EHMT1: variants seen among roughly 807,000 people sequenced by gnomAD.
EHMT1 encodes euchromatic histone lysine methyltransferase 1.
A neutral mutation model predicts 147.2 loss-of-function variants in EHMT1; 15 were observed. That is an observed-to-expected ratio of 0.10 (90% CI 0.07 to 0.16). EHMT1 has a LOEUF of 0.16. Ranked by LOEUF, EHMT1 falls within the 10% of genes least tolerant of loss-of-function variation. EHMT1 has a pLI of 1.00. For synonymous variants in EHMT1, 795 were observed against 709.6 expected (o/e 1.12, Z -1.91); for missense variants, 1,587 against 1,772.4 (o/e 0.90, Z 1.88).
intron 1 of EHMT1, among the ~76,000 whole-genome samples, chr9:137,654,736 C>T (rs1220707758): frequency 6.6e-6 from 1 of 152,294 alleles, no homozygotes; most frequent in Non-Finnish European, 1.5e-5. Context: ...AAAGGCTGGG[C>T]CTGCCATGCC....
chr9:137,774,924 G>A (rs569456286), intron 10 of EHMT1, among the ~76,000 whole-genome samples, 185 bp from the exon 11 acceptor site: 13 of 152,304 alleles, frequency 8.5e-5, no homozygotes, highest in African/African-American at 2.6e-4. Context: ...TTTGTCCCCC[G>A]TGCTGAGGCG....
chr9:137,714,750 TG>T (rs1179365937), intron 2 of EHMT1, among the ~76,000 whole-genome samples: 2 of 151,888 alleles, frequency 1.3e-5, no homozygotes, highest in Non-Finnish European at 2.9e-5. Flanking sequence ...AGTCTCACTA[TG>T]TTGCCCAGGT....
At position 137,813,048 on chromosome 9, in the gene EHMT1, G is replaced by A. The variant is rs1336206455; in HGVS notation, c.2910G>A (p.Lys970=). The change falls in exon 20 of 27, where the codon AAG becomes AAA. Residue 970 remains lysine (K), a synonymous_variant. Transcript: ENST00000460843. This position sits in a 1 kb window ranked among gnomAD's most constrained non-coding sequence, Gnocchi z 4.9. ...SRDSDVTLKN[K]EGETPLQCAS... Reference sequence around the variant, plus strand: ...ATTCAGATGTCACCTTAAAGAACAAGGAAGGAGAGACGCCCCTGCAGTGTG... The same window carrying A: ...ATTCAGATGTCACCTTAAAGAACAAAGAAGGAGAGACGCCCCTGCAGTGTG... 6.2e-7 allele frequency: 1 copy of A among 1,613,920 alleles called. No homozygotes were observed. The highest frequency in any genetic ancestry group is 8.5e-7 in the Non-Finnish European group (1 of 1,180,048).
intron 4 of EHMT1, among the ~76,000 whole-genome samples, chr9:137,739,827 T>G (rs1450105849): frequency 6.6e-6 from 1 of 152,198 alleles, no homozygotes; most frequent in Non-Finnish European, 1.5e-5. Context: ...TGCCAAATAC[T>G]GATCCTGAAT....
At chr9:137,834,304 C>G in intron 25 of EHMT1, 45 bp from the exon 26 acceptor site, 1 of 1,609,062 alleles carries the variant, frequency 6.2e-7, no homozygotes, top group African/African-American at 1.3e-5. Flanking sequence ...GCCGGCGTGT[C>G]GGGGCCTTGC....
chr9:137,640,225 G>A (rs1311201196), intron 1 of EHMT1, among the ~76,000 whole-genome samples: 1 of 152,102 alleles, frequency 6.6e-6, no homozygotes, highest in Non-Finnish European at 1.5e-5. Flanking sequence ...GTGAGCCACC[G>A]TGCCTGGCCT....
At chr9:137,698,723 C>T (rs1271855807) in intron 1 of EHMT1, among the ~76,000 whole-genome samples, 5 of 152,100 alleles carry the variant, frequency 3.3e-5, no homozygotes, top group African/African-American at 9.7e-5. Context: ...TGGCCAGTGT[C>T]GCAGTCAACA....
intron 4 of EHMT1, 84 bp downstream of exon 4, chr9:137,728,613 G>A: frequency 1.3e-6 from 2 of 1,568,898 alleles, no homozygotes; most frequent in Non-Finnish European, 1.8e-6. Context: ...CTGTTTGGCT[G>A]TAAGTGCCTG....
Position 137,711,024 on chromosome 9 carries a change from G to A in EHMT1, c.79G>A (p.Gly27Arg). The A allele has an allele frequency of 6.3e-7, 1 of 1,592,620 alleles. No homozygotes were observed. Among genetic ancestry groups the A allele is most frequent in the Non-Finnish European group, 8.5e-7 (1 of 1,170,192 alleles). The change falls in exon 2 of 27, where the codon GGA becomes AGA. Residue 27 changes from glycine to arginine, a missense_variant. Coordinates refer to ENST00000460843, the MANE Select transcript of EHMT1 (RefSeq NM_024757.5). ...TTGCTGTGTGAAAACCGAGCTGCTG[G>A]GAGAAGGTGAGGGCGGTGTGCACCG... ...QDCCVKTELL[G>R]EETPMAADEG...
chr9:137,700,125 T>G (rs975225687), intron 1 of EHMT1, among the ~76,000 whole-genome samples: 4 of 152,236 alleles, frequency 2.6e-5, no homozygotes, highest in Non-Finnish European at 5.9e-5. Context: ...TGAATATAGC[T>G]ACACACCAGT....
chr9:137,752,315 CTG>C lies in EHMT1; in HGVS notation c.1171-11_1171-10del, dbSNP rs756631550. ...TTTTCTGTTTGGGTTCCCGCTTCGA[CTG>C]TGTGGCTGATCAGATGGACGGGGAG... On this transcript the variant is annotated splice_polypyrimidine_tract_variant and intron_variant, in intron 6 of 26. Transcript: ENST00000460843. The C allele has an allele frequency of 1.2e-6, 2 of 1,613,898 alleles. No homozygotes were observed. The highest frequency in any genetic ancestry group is 1.7e-6 in the Non-Finnish European group (2 of 1,179,948).
intron 2 of EHMT1, among the ~76,000 whole-genome samples, chr9:137,713,835 A>G (rs2135437963): frequency 6.6e-6 from 1 of 152,150 alleles, no homozygotes; most frequent in South Asian, 2.1e-4. Flanking sequence ...CTATAATCCC[A>G]GCTACTCATG....
intron 1 of EHMT1, among the ~76,000 whole-genome samples, chr9:137,677,063 A>G (rs1941419858): frequency 6.6e-6 from 1 of 151,838 alleles, no homozygotes; most frequent in African/African-American, 2.4e-5. Context: ...ACCTGGGCTC[A>G]AGCGATCTTC....
chr9:137,676,168 C>T (rs1360222790), intron 1 of EHMT1: 1 of 152,218 alleles, frequency 6.6e-6, no homozygotes, highest in African/African-American at 2.4e-5. Flanking sequence ...GATCCACCCG[C>T]CTCGGCCTCC....
chr9:137,795,786 G>A (rs1226804158), intron 16 of EHMT1, among the ~76,000 whole-genome samples: 1 of 152,112 alleles, frequency 6.6e-6, no homozygotes, highest in Non-Finnish European at 1.5e-5. Context: ...TTTTATTGTG[G>A]GAGGTGGTAC....
In EHMT1 at chr9:137,677,129, A is replaced by G. The variant is rs371450176; in HGVS notation, c.22-33838A>G. On this transcript the variant is annotated intron_variant, in intron 1 of 26. Transcript: ENST00000460843. ...CGGACATGAGTTGTCACAGCCAGCC[A>G]CTGACTGGAGTTTTTTTTTTTTAAG... Among the ~76,000 whole-genome samples, 49 of 151,336 alleles carry G rather than the reference A, an allele frequency of 3.2e-4. 1 individual carries two copies. The East Asian group carries it at 8.6e-3, about 27-fold the overall frequency.
At chr9:137,769,696 T>C (rs1950470292) in intron 10 of EHMT1, among the ~76,000 whole-genome samples, 1 of 152,230 alleles carries the variant, frequency 6.6e-6, no homozygotes, top group South Asian at 2.1e-4. Context: ...TGCCTGAGTG[T>C]GGTGGGTTTT....
In EHMT1 at chr9:137,674,444, GA is replaced by G. The variant is rs1941027004; in HGVS notation, c.22-36521del. ...CTCCCACACTCTGCAGGCTGACGGA[GA>G]ATCTCACTGTTGGCCAGTGTCCCCA... On this transcript the variant is annotated intron_variant, in intron 1 of 26. Transcript: ENST00000460843. Among the ~76,000 whole-genome samples the G allele has an allele frequency of 2.0e-5, 3 of 152,202 alleles. No homozygotes were observed. In the South Asian group the frequency reaches 6.2e-4, roughly 31 times the overall value.
chr9:137,815,955 G>A lies in EHMT1; in HGVS notation c.3267G>A (p.Arg1089=). The A allele has an allele frequency of 6.2e-7, 1 of 1,605,528 alleles. No individual in the cohort carries two copies. ...SMRCWYDKDG[R]LLPEFNMAEP... ...TGCTCATCTGTCCACAGGATGGCCG[G>A]CTCCTGCCAGAGTTCAACATGGCGG... The change falls in exon 23 of 27, where the codon CGG becomes CGA. Residue 1089 remains arginine (R), a synonymous_variant. Coordinates refer to ENST00000460843, the MANE Select transcript of EHMT1 (RefSeq NM_024757.5).
Sources: allele counts gnomAD v4.1 joint callset (sites outside exome capture counted in the v4.1 genomes callset), GRCh38; gene constraint gnomAD v4.1.1; non-coding constraint Gnocchi (gnomAD v3.1); transcripts MANE v1.5; gene names NCBI Gene and HGNC (gene_info 2026-07-23, HGNC 2026-07-21).